The following DAPK2 variants were observed in gnomAD, a reference collection of about 807,000 sequenced individuals.
The protein encoded by DAPK2 is death-associated protein kinase 2.
Under a neutral mutation model 44.1 loss-of-function variants are expected in DAPK2, and 35 were observed. The observed-to-expected ratio is 0.79, with a 90% CI of 0.61 to 1.05. The LOEUF (loss-of-function observed/expected upper bound fraction) is 1.05, where lower values mean the gene tolerates loss of function less well. Ranked by LOEUF, DAPK2 falls within the 50% of genes least tolerant of loss-of-function variation. The pLI is 0.00. For synonymous variants in DAPK2, 174 were observed against 182.6 expected, an observed-to-expected ratio of 0.95 and a Z score of 0.38; for missense variants, 453 against 483.2, an observed-to-expected ratio of 0.94 and a Z score of 0.59.
chr15:63,929,590 G>T lies in DAPK2; in HGVS notation c.633-13C>A. On this transcript the variant is annotated splice_polypyrimidine_tract_variant and intron_variant, in intron 5 of 10. Coordinates refer to ENST00000261891, the Ensembl canonical transcript of DAPK2. Reference sequence around the variant, plus strand: ...GACGCCTATGCTCCTGCAAAATAAAGAACAGTCAAGTCAGGGCCACCTGGG... The same window carrying T: ...GACGCCTATGCTCCTGCAAAATAAATAACAGTCAAGTCAGGGCCACCTGGG... 1.2e-6 allele frequency: 2 copies of T among 1,613,988 alleles called. No homozygotes were observed. Among genetic ancestry groups the T allele is most frequent in the South Asian group, 1.1e-5 (1 of 91,082 alleles).
At chr15:64,033,237 G>T (rs2080068279) in intron 1 of DAPK2, among the ~76,000 whole-genome samples, 1 of 137,004 alleles carries the variant, frequency 7.3e-6, no homozygotes, top group Non-Finnish European at 1.6e-5. Flanking sequence ...TCCAGCCTGA[G>T]TAACAGAGAG....
At chr15:64,026,636 C>G (rs1047663002) in intron 1 of DAPK2, among the ~76,000 whole-genome samples, 2 of 152,206 alleles carry the variant, frequency 1.3e-5, no homozygotes, top group African/African-American at 2.4e-5. Context: ...ACTCCCCATC[C>G]CAAGTACCTG....
chr15:64,014,553 G>T (rs1382391429), intron 1 of DAPK2, among the ~76,000 whole-genome samples: 6 of 152,212 alleles, frequency 3.9e-5, no homozygotes, highest in Non-Finnish European at 5.9e-5. Flanking sequence ...AGACTGCATG[G>T]TACTGCAGGG....
rs1316251049 is a variant in DAPK2, at chr15:63,908,570, T to G, written c.1063A>C (p.Ile355Leu). Residue 355 changes from isoleucine (I) to leucine (L), a missense_variant, in exon 11 of 11, where the codon ATC becomes CTC. Ile to Leu is a conservative substitution (Grantham distance 5). Coordinates refer to ENST00000261891, the Ensembl canonical transcript of DAPK2. This position sits in a 1 kb window ranked among gnomAD's most constrained non-coding sequence, Gnocchi z 5.7. ...GGGTGGAGGGCTTTCCTCCTGGCGA[T>G]GTCCTCCTCAGTGTCACTCTCACAG... 1 of 1,602,358 alleles carries G rather than the reference T, an allele frequency of 6.2e-7. No individual in the cohort carries two copies. Among genetic ancestry groups the G allele is most frequent in the Non-Finnish European group, 8.5e-7 (1 of 1,175,766 alleles).
chr15:63,981,414 T>C (rs747725903), intron 2 of DAPK2, among the ~76,000 whole-genome samples: 7 of 152,010 alleles, frequency 4.6e-5, no homozygotes, highest in Non-Finnish European at 8.8e-5. Context: ...TTATAAGCAA[T>C]AGAAAATGGA....
intron 1 of DAPK2, among the ~76,000 whole-genome samples, chr15:63,998,257 C>A (rs548794710): frequency 6.6e-6 from 1 of 152,164 alleles, no homozygotes; most frequent in African/African-American, 2.4e-5. Flanking sequence ...AGAAAATCAC[C>A]TCCGTCCTCA....
At position 63,929,459 on chromosome 15, in the gene DAPK2, T is replaced by A. The variant is rs1464041540; in HGVS notation, c.659+92A>T. On this transcript the variant is annotated intron_variant, in intron 6 of 10. Coordinates refer to ENST00000261891, the Ensembl canonical transcript of DAPK2. ...CATCTGGATTATGGTGGGTGCTTAGTAAATGTCAGTCTATCAGCCTGCCCC... is the reference window on the plus strand; with the variant it reads ...CATCTGGATTATGGTGGGTGCTTAGAAAATGTCAGTCTATCAGCCTGCCCC... 3.9e-6 allele frequency: 6 copies of A among 1,529,566 alleles called. 1 individual carries two copies. In the African/African-American group the frequency reaches 8.2e-5, roughly 21 times the overall value. The allele number at this position is 1,529,566 out of a possible 1,614,324, so 94.7% of individuals were successfully genotyped here.
At chr15:64,018,050 C>CA (rs1297892529) in intron 1 of DAPK2, among the ~76,000 whole-genome samples, 1 of 152,112 alleles carries the variant, frequency 6.6e-6, no homozygotes, top group African/African-American at 2.4e-5. Context: ...CTGCCTGGCC[C>CA]AAAAAAGTCA....
chr15:63,983,136 T>C (rs560529927), intron 2 of DAPK2, among the ~76,000 whole-genome samples: 2 of 152,158 alleles, frequency 1.3e-5, no homozygotes, highest in Admixed American at 6.5e-5. Context: ...CCCCTCCTCA[T>C]AGTACACAGC....
intron 3 of DAPK2, among the ~76,000 whole-genome samples, chr15:63,965,506 G>C (rs1049548488): frequency 2.0e-5 from 3 of 152,208 alleles, no homozygotes; most frequent in African/African-American, 7.2e-5. Flanking sequence ...ATAGGCAGGT[G>C]GCAAAGCCAG....
intron 3 of DAPK2, among the ~76,000 whole-genome samples, chr15:63,950,977 G>T (rs1170642079): frequency 6.6e-6 from 1 of 152,164 alleles, no homozygotes; most frequent in Non-Finnish European, 1.5e-5. Flanking sequence ...ATGACTCAGG[G>T]CATAGAGGAA....
At chr15:63,952,846 CTT>C (rs2077628777) in intron 3 of DAPK2, among the ~76,000 whole-genome samples, 1 of 152,028 alleles carries the variant, frequency 6.6e-6, no homozygotes, top group African/African-American at 2.4e-5. Context: ...TGTACAATAA[CTT>C]ATTGTTGGCT....
intron 8 of DAPK2, chr15:63,924,443 T>A: frequency 1.2e-5 from 2 of 167,138 alleles, no homozygotes; most frequent in Admixed American, 1.2e-4. Context: ...AAAGTGGGGG[T>A]TTTCAATTGT....
At chr15:64,029,468 C>T (rs918247256) in intron 1 of DAPK2, among the ~76,000 whole-genome samples, 2 of 152,122 alleles carry the variant, frequency 1.3e-5, no homozygotes, top group Non-Finnish European at 2.9e-5. Context: ...AGGTAGTTAC[C>T]GGCCTATCTC....
chr15:63,933,535 G>T (rs1168867054), intron 4 of DAPK2, among the ~76,000 whole-genome samples: 1 of 146,164 alleles, frequency 6.8e-6, no homozygotes, highest in Non-Finnish European at 1.5e-5. Flanking sequence ...GAGCCACAGC[G>T]CCTGGCCTAA....
chr15:63,995,649 C>T (rs1235752355), intron 1 of DAPK2, among the ~76,000 whole-genome samples: 1 of 152,212 alleles, frequency 6.6e-6, no homozygotes, highest in African/African-American at 2.4e-5. Flanking sequence ...ACTGCACGAC[C>T]CAGGGGACCC....
intron 3 of DAPK2, among the ~76,000 whole-genome samples, chr15:63,969,785 A>G (rs2078160324): frequency 6.6e-6 from 1 of 151,700 alleles, no homozygotes; most frequent in Admixed American, 6.6e-5. Context: ...AAGGAGGACC[A>G]TGCTAAGGGG....
At chr15:64,012,910 T>C (rs1654005999) in intron 1 of DAPK2, among the ~76,000 whole-genome samples, 1 of 152,242 alleles carries the variant, frequency 6.6e-6, no homozygotes, top group African/African-American at 2.4e-5. Context: ...GGGCACTGCA[T>C]AGCCAATGAA....
rs2079443216 is a variant in DAPK2 at position 63,929,413 on chromosome 15, G to T, written c.659+138C>A. 1.2e-5 allele frequency: 13 copies of T among 1,113,746 alleles called. No homozygotes were observed. The East Asian group carries it at 2.9e-4, about 25-fold the overall frequency. The allele number at this position is 1,113,746 out of a possible 1,614,324, so 69.0% of individuals were successfully genotyped here. On this transcript the variant is annotated intron_variant, in intron 6 of 10. Transcript: ENST00000261891. ...ATGGACCTACAGCACTTAGCCTCAG[G>T]CTTGCTGTGTGGACTTAACACATCT...
Sources: allele counts gnomAD v4.1 joint callset (sites outside exome capture counted in the v4.1 genomes callset), GRCh38; gene constraint gnomAD v4.1.1; non-coding constraint Gnocchi (gnomAD v3.1); transcripts MANE v1.5; gene names NCBI Gene and HGNC (gene_info 2026-07-23, HGNC 2026-07-21).